Variants in PVT1 observed in about 807,000 individuals in gnomAD.
PVT1 encodes CXCR4/PVT1 fusion.
chr8:127,995,359 C>T (rs1335942649), intron 4 of PVT1, among the ~76,000 whole-genome samples: 1 of 152,198 alleles, frequency 6.6e-6, no homozygotes, highest in Non-Finnish European at 1.5e-5. Flanking sequence ...ATTGAACACT[C>T]CTGTGTTCAC....
chr8:128,052,911 G>A (rs527795862), intron 4 of PVT1, among the ~76,000 whole-genome samples: 1 of 152,366 alleles, frequency 6.6e-6, no homozygotes, highest in African/African-American at 2.4e-5. Context: ...GAAGACAGTA[G>A]ATGGTAAAAC....
intron 2 of PVT1, among the ~76,000 whole-genome samples, chr8:127,844,404 C>T (rs1350328481): frequency 1.3e-5 from 2 of 152,188 alleles, no homozygotes; most frequent in Admixed American, 6.5e-5. Flanking sequence ...GTATGTTTCA[C>T]ACAGTTTGTT....
At chr8:128,041,874 G>A (rs1813550094) in intron 4 of PVT1, among the ~76,000 whole-genome samples, 1 of 152,088 alleles carries the variant, frequency 6.6e-6, no homozygotes, top group Non-Finnish European at 1.5e-5. Flanking sequence ...ATTCTCATGG[G>A]CCACCTATGT....
intron 3 of PVT1, among the ~76,000 whole-genome samples, chr8:127,981,918 A>G (rs1398715942): frequency 6.6e-6 from 1 of 152,158 alleles, no homozygotes; most frequent in Non-Finnish European, 1.5e-5. Flanking sequence ...CTTGGCTTGG[A>G]ACCCAGGGTT....
At chr8:127,900,057 T>A (rs1190486799) in intron 3 of PVT1, among the ~76,000 whole-genome samples, 1 of 152,204 alleles carries the variant, frequency 6.6e-6, no homozygotes, top group Non-Finnish European at 1.5e-5. Flanking sequence ...TTATTTATTT[T>A]TTGAGATGCA....
intron 5 of PVT1, among the ~76,000 whole-genome samples, chr8:128,089,256 G>A (rs182285916): frequency 6.6e-6 from 1 of 152,294 alleles, no homozygotes; most frequent in African/African-American, 2.4e-5. Context: ...CCAAGATCAA[G>A]GTGCTGACAG....
chr8:127,960,873 G>A (rs895474489), intron 3 of PVT1, among the ~76,000 whole-genome samples: 9 of 144,838 alleles, frequency 6.2e-5, no homozygotes, highest in Admixed American at 1.5e-4. Flanking sequence ...CATTCTGGAA[G>A]TACAGGAATG....
chr8:127,803,823 C>A (rs566215239), intron 2 of PVT1, among the ~76,000 whole-genome samples: 1 of 151,504 alleles, frequency 6.6e-6, no homozygotes, highest in Non-Finnish European at 1.5e-5. Context: ...TGGGTTCAAG[C>A]GATTCTCCTG....
chr8:127,937,580 CAGAGAGAGAG>C (rs1554598547), intron 3 of PVT1, among the ~76,000 whole-genome samples: 1 of 107,794 alleles, frequency 9.3e-6, no homozygotes, highest in Non-Finnish European at 1.8e-5. Flanking sequence ...CACACACACA[CAGAGAGAGAG>C]AGAGAGAGAG....
chr8:128,019,174 C>G (rs547502315), intron 4 of PVT1, among the ~76,000 whole-genome samples: 8 of 152,236 alleles, frequency 5.3e-5, no homozygotes, highest in African/African-American at 1.9e-4. Context: ...GCTGCTGCCT[C>G]CAAGGAAAAG....
intron 2 of PVT1, among the ~76,000 whole-genome samples, chr8:127,883,322 T>G (rs1815490482): frequency 1.3e-5 from 2 of 152,292 alleles, no homozygotes; most frequent in South Asian, 4.1e-4. Context: ...CATCTGCCCG[T>G]CCTATATTGA....
intron 3 of PVT1, among the ~76,000 whole-genome samples, chr8:127,923,927 A>C (rs1816094820): frequency 6.6e-6 from 1 of 152,250 alleles, no homozygotes; most frequent in South Asian, 2.1e-4. Flanking sequence ...AACATTAAAC[A>C]AACAGTGACG....
At chr8:127,914,815 G>GTTTTT (rs1181623236) in intron 3 of PVT1, among the ~76,000 whole-genome samples, 2 of 130,812 alleles carry the variant, frequency 1.5e-5, no homozygotes, top group African/African-American at 5.8e-5. Flanking sequence ...GTTGTTGTTG[G>GTTTTT]TTTTTTTTTT....
chr8:128,051,058 T>A lies in PVT1; in HGVS notation n.913-19102T>A, dbSNP rs115475688. Among the ~76,000 whole-genome samples the A allele has an allele frequency of 5.0e-3, 764 of 152,326 alleles. 8 individuals are homozygous for A. The highest frequency in any genetic ancestry group is 0.017 in the African/African-American group (727 of 41,566). On this transcript the variant is annotated intron_variant and non_coding_transcript_variant, in intron 4 of 10. Coordinates refer to ENST00000651587, the Ensembl canonical transcript of PVT1. Reference sequence around the variant, plus strand: ...ATTCTCAGCTTGAGCACTGGAACCATTTATGGGACGATTGAGTATTCAACT... The same window carrying A: ...ATTCTCAGCTTGAGCACTGGAACCAATTATGGGACGATTGAGTATTCAACT...
At chr8:128,071,211 T>G (rs1267065119) in intron 5 of PVT1, among the ~76,000 whole-genome samples, 1 of 152,136 alleles carries the variant, frequency 6.6e-6, no homozygotes, top group African/African-American at 2.4e-5. Flanking sequence ...ATAGAAAGAT[T>G]CGAAGGGCAG....
Position 127,815,682 on chromosome 8 carries a change from G to T in PVT1, n.372+19611G>T, listed in dbSNP as rs143887327. On this transcript the variant is annotated intron_variant and non_coding_transcript_variant, in intron 2 of 10. Transcript: ENST00000651587. ...CCCACCCAAAAAATCCCAACATATTGAATCACCTTCCAATAATCTATAGCA... is the reference window on the plus strand; with the variant it reads ...CCCACCCAAAAAATCCCAACATATTTAATCACCTTCCAATAATCTATAGCA... Among the ~76,000 whole-genome samples, 9 of 152,302 alleles carry T rather than the reference G, an allele frequency of 5.9e-5. No homozygotes were observed. The East Asian group carries it at 1.5e-3, about 26-fold the overall frequency.
intron 3 of PVT1, among the ~76,000 whole-genome samples, chr8:127,912,251 G>A (rs1026830369): frequency 1.3e-5 from 2 of 152,208 alleles, no homozygotes; most frequent in Non-Finnish European, 2.9e-5. Flanking sequence ...TAGAATAATA[G>A]CTACTTAAAT....
rs1817114908 is a variant in PVT1 at position 127,997,058 on chromosome 8, TTTGTTTG to T, written n.912+7770_912+7776del. ...CATTTGCTTTCGTTTTTTTTTTTTG[TTTGTTTG>T]TTTTTTGATACAGAGTTTCACTCTT... On this transcript the variant is annotated intron_variant and non_coding_transcript_variant, in intron 4 of 10. Coordinates refer to ENST00000651587, the Ensembl canonical transcript of PVT1. Among the ~76,000 whole-genome samples the T allele has an allele frequency of 3.2e-5, 4 of 123,944 alleles. 1 individual carries two copies. Among genetic ancestry groups the T allele is most frequent in the South Asian group, 6.5e-4 (2 of 3,100 alleles). The allele number at this position is 123,944 out of a possible 152,430, so 81.3% of individuals were successfully genotyped here. A position where few individuals can be genotyped will look rare whatever the true frequency, so the allele number is the denominator to read the frequency against.
At chr8:127,854,674 G>A (rs1166547677) in intron 2 of PVT1, 1 of 152,790 alleles carries the variant, frequency 6.5e-6, no homozygotes, top group Non-Finnish European at 1.5e-5. Flanking sequence ...AGCAGCCAGG[G>A]CAATGATTCA....
Sources: allele counts gnomAD v4.1 joint callset (sites outside exome capture counted in the v4.1 genomes callset), GRCh38; gene constraint gnomAD v4.1.1; transcripts MANE v1.5; gene names NCBI Gene and HGNC (gene_info 2026-07-23, HGNC 2026-07-21).